Variants in HECW2 observed in about 807,000 individuals in gnomAD.
HECW2 encodes E3 ubiquitin-protein ligase HECW2.
In HECW2, 61 loss-of-function variants were observed where a neutral mutation model predicts 175.2. The observed-to-expected ratio is 0.35, with a 90% CI of 0.28 to 0.43. The LOEUF is 0.43. Ranked by LOEUF, HECW2 falls within the 20% of genes least tolerant of loss-of-function variation. The pLI, the probability that HECW2 is intolerant of heterozygous loss-of-function variation, is 1.00. For synonymous variants in HECW2, 671 were observed against 731.0 expected (o/e 0.92, Z 1.32); for missense variants, 1,524 against 2,000.5 (o/e 0.76, Z 4.54).
At position 196,564,220 on chromosome 2, in the gene HECW2, A is replaced by C. The variant is rs113144852; in HGVS notation, c.-36+29288T>G. Among the ~76,000 whole-genome samples the C allele has an allele frequency of 7.3e-4, 111 of 152,344 alleles. 3 individuals are homozygous for C. The highest frequency in any genetic ancestry group is 2.2e-3 in the African/African-American group (92 of 41,586). On this transcript the variant is annotated intron_variant, in intron 1 of 28. Transcript: ENST00000644978. ...ATAACTGGTCTACACTCTTCAAATT[A>C]GTCATAATTTTAAAAAAAGGCAGGG...
intron 13 of HECW2, among the ~76,000 whole-genome samples, chr2:196,296,969 G>A (rs537938328): frequency 1.3e-5 from 2 of 152,262 alleles, no homozygotes; most frequent in South Asian, 4.1e-4. Context: ...TTGTTTGTTT[G>A]CTTGCTTATC....
At chr2:196,443,470 G>GT (rs1392362895) in intron 1 of HECW2, among the ~76,000 whole-genome samples, 1 of 152,154 alleles carries the variant, frequency 6.6e-6, no homozygotes, top group African/African-American at 2.4e-5. Context: ...AGAGGTATCA[G>GT]TTTTTTACAT....
chr2:196,248,523 T>C lies in HECW2; in HGVS notation c.3529+5397A>G, dbSNP rs149953919. Among the ~76,000 whole-genome samples, 816 of 150,536 alleles carry C rather than the reference T, an allele frequency of 5.4e-3. 2 individuals carry two copies. Among genetic ancestry groups the C allele is most frequent in the Admixed American group, 0.012 (186 of 15,048 alleles). On this transcript the variant is annotated intron_variant, in intron 19 of 28. Transcript: ENST00000644978. ...ATCAAACACCTTTTCTAAAAACAAC[T>C]CTAAAGCTACTTCAGGGACTGTAGG... is the stretch of plus-strand genomic sequence containing the variant.
chr2:196,328,414 A>C (rs1294763935), intron 5 of HECW2, among the ~76,000 whole-genome samples: 1 of 152,206 alleles, frequency 6.6e-6, no homozygotes, highest in Admixed American at 6.5e-5. Flanking sequence ...GCTGAAATTC[A>C]CCAGGGAAGC....
At position 196,546,242 on chromosome 2, in the gene HECW2, GCTT is replaced by G. The variant is rs1489265849; in HGVS notation, c.-36+47263_-36+47265del. 5.3e-5 allele frequency among the ~76,000 whole-genome samples: 8 copies of G among 152,114 alleles called. No individual in the cohort carries two copies. The East Asian group carries it at 1.5e-3, about 29-fold the overall frequency. On this transcript the variant is annotated intron_variant, in intron 1 of 28. Coordinates refer to ENST00000644978, the MANE Select transcript of HECW2 (RefSeq NM_001348768.2). ...GACCTCCCCTTAGTGCCACTTCCCA[GCTT>G]CTTGTCTTAATTAACCCAAGCCACA...
intron 19 of HECW2, chr2:196,242,430 A>G: frequency 1.9e-6 from 1 of 534,240 alleles, no homozygotes; most frequent in Non-Finnish European, 3.3e-6. Context: ...TTCTGTTTGA[A>G]TAGTTACAAT....
At chr2:196,582,031 A>AC (rs1163720568) in intron 1 of HECW2, among the ~76,000 whole-genome samples, 2 of 150,316 alleles carry the variant, frequency 1.3e-5, no homozygotes, top group Non-Finnish European at 2.9e-5. Context: ...GTGCCACTGC[A>AC]CTCCAGCCTG....
chr2:196,578,579 A>C (rs569138099), intron 1 of HECW2, among the ~76,000 whole-genome samples: 2 of 152,344 alleles, frequency 1.3e-5, no homozygotes, highest in Non-Finnish European at 2.9e-5. Flanking sequence ...TCAAAATGTC[A>C]AAACACAAAG....
intron 1 of HECW2, among the ~76,000 whole-genome samples, chr2:196,543,505 G>C (rs1396613785): frequency 6.6e-6 from 1 of 152,084 alleles, no homozygotes; most frequent in East Asian, 1.9e-4. Flanking sequence ...GCAGATGCGA[G>C]GTAATTACAA....
At chr2:196,382,177 T>C (rs1421742500) in intron 2 of HECW2, among the ~76,000 whole-genome samples, 2 of 151,024 alleles carry the variant, frequency 1.3e-5, no homozygotes, top group Non-Finnish European at 2.9e-5. Flanking sequence ...CTTATTGATA[T>C]ACATGTATGT....
At chr2:196,510,264 T>C (rs1452682469) in intron 1 of HECW2, among the ~76,000 whole-genome samples, 1 of 152,226 alleles carries the variant, frequency 6.6e-6, no homozygotes, top group Non-Finnish European at 1.5e-5. Flanking sequence ...TTAGGAATTC[T>C]GTACTTGTAG....
At chr2:196,236,348 A>G (rs1335442851) in intron 21 of HECW2, among the ~76,000 whole-genome samples, 1 of 152,218 alleles carries the variant, frequency 6.6e-6, no homozygotes, top group East Asian at 1.9e-4. Context: ...CTTTTAATAA[A>G]TGTTTTGTTT....
rs1472415934 is a variant in HECW2 at position 196,318,594 on chromosome 2, T to G, written c.2296A>C (p.Thr766Pro). The G allele has an allele frequency of 1.9e-6, 3 of 1,540,572 alleles. No individual in the cohort carries two copies. Among genetic ancestry groups the G allele is most frequent in the Non-Finnish European group, 2.6e-6 (3 of 1,144,328 alleles). Reference sequence around the variant, plus strand: ...TCCTGGGCAGTTGCCCCTTCACAGGTGCCTTGGGCCTCCCCAGCACTGCCT... The same window carrying G: ...TCCTGGGCAGTTGCCCCTTCACAGGGGCCTTGGGCCTCCCCAGCACTGCCT... Reference protein sequence around the residue: ...EEGSAGEAQGTCEGATAQEEG... With the variant: ...EEGSAGEAQGPCEGATAQEEG... The change falls in exon 9 of 29, where the codon ACC (threonine) becomes CCC (proline). Residue 766 changes from threonine to proline, a missense_variant. Thr to Pro is a conservative substitution (Grantham distance 38). Around this residue, in one of 11 missense-constraint regions of HECW2, gnomAD observed 604 missense variants for 588.3 expected, o/e 1.03. Coordinates refer to ENST00000644978, the MANE Select transcript of HECW2 (RefSeq NM_001348768.2).
At chr2:196,533,830 G>A (rs1026316544) in intron 1 of HECW2, among the ~76,000 whole-genome samples, 1 of 152,128 alleles carries the variant, frequency 6.6e-6, no homozygotes, top group Non-Finnish European at 1.5e-5. Context: ...ATTTTGCTTT[G>A]TATCAAGAAC....
At chr2:196,433,856 G>A (rs540646571) in intron 1 of HECW2, among the ~76,000 whole-genome samples, 2 of 152,194 alleles carry the variant, frequency 1.3e-5, no homozygotes, top group African/African-American at 4.8e-5. Context: ...TTAAAATAGC[G>A]AGACACATGC....
intron 2 of HECW2, among the ~76,000 whole-genome samples, chr2:196,415,200 CAT>C (rs1695221004): frequency 6.6e-6 from 1 of 152,138 alleles, no homozygotes; most frequent in Non-Finnish European, 1.5e-5. Context: ...TTGTCAAAAA[CAT>C]ATACATACAC....
At chr2:196,456,231 T>C (rs1696508622) in intron 1 of HECW2, among the ~76,000 whole-genome samples, 1 of 152,186 alleles carries the variant, frequency 6.6e-6, no homozygotes, top group Non-Finnish European at 1.5e-5. Context: ...TCAAATATTC[T>C]AGAAGATTTC....
At chr2:196,268,578 T>C (rs1320179409) in intron 17 of HECW2, among the ~76,000 whole-genome samples, 1 of 152,236 alleles carries the variant, frequency 6.6e-6, no homozygotes, top group Non-Finnish European at 1.5e-5. Context: ...ACAAATGCCC[T>C]GTCCAGGTAG....
At chr2:196,564,710 TCTTAAC>T (rs985288952) in intron 1 of HECW2, among the ~76,000 whole-genome samples, 3 of 152,106 alleles carry the variant, frequency 2.0e-5, no homozygotes, top group African/African-American at 4.8e-5. Flanking sequence ...TCTTATTCCC[TCTTAAC>T]CTTATTTTTT....
Sources: allele counts gnomAD v4.1 joint callset (sites outside exome capture counted in the v4.1 genomes callset), GRCh38; gene constraint gnomAD v4.1.1; regional missense constraint gnomAD v4.1.1; transcripts MANE v1.5; gene names NCBI Gene and HGNC (gene_info 2026-07-23, HGNC 2026-07-21).